Variants in GDF10 observed in about 807,000 individuals in gnomAD.
GDF10 encodes growth differentiation factor 10, also known as growth/differentiation factor 10.
GDF10 carries 23 observed loss-of-function variants against 32.1 expected under a neutral mutation model. That is an observed-to-expected ratio of 0.72 (90% confidence interval 0.52 to 1.02). The LOEUF is 1.02. Among genes scored for constraint, GDF10 ranks in the 50% least tolerant of loss-of-function variants. The probability of loss-of-function intolerance (pLI) is 0.00; values close to 1 mark genes in which losing one functional copy is unlikely to be tolerated. For synonymous variants in GDF10, 328 were observed against 303.1 expected (o/e 1.08, Z -0.85); for missense variants, 764 against 673.9 (o/e 1.13, Z -1.48).
intron 1 of GDF10, among the ~76,000 whole-genome samples, chr10:47,304,607 T>G (rs1018105327): frequency 6.6e-6 from 1 of 152,196 alleles, no homozygotes; most frequent in African/African-American, 2.4e-5. Flanking sequence ...TCTATCTATC[T>G]ATCTATGTCT....
intron 1 of GDF10, among the ~76,000 whole-genome samples, chr10:47,307,751 A>C (rs1241543335): frequency 6.6e-6 from 1 of 152,244 alleles, no homozygotes; most frequent in Non-Finnish European, 1.5e-5. Context: ...TTGAGACTTG[A>C]ACTGGATCAA....
chr10:47,310,616 C>A lies in GDF10; in HGVS notation c.1140C>A (p.Tyr380Ter), dbSNP rs1400096275. 1 of 1,613,902 alleles carries A rather than the reference C, an allele frequency of 6.2e-7. No individual in the cohort carries two copies. Among genetic ancestry groups the A allele is most frequent in the Non-Finnish European group, 8.5e-7 (1 of 1,179,904 alleles). ...AGCCGAGGGTGTGCTCCCGGAGGTA[C>A]CTGAAGGTGGACTTCGCAGACATCG... The part of the protein sequence containing the change: ...WDEPRVCSRR[Y>*]LKVDFADIGW... The change falls in exon 2 of 3, where the codon TAC becomes TAA. Residue 380 changes from tyrosine (Y) to a stop codon, truncating the protein, a stop_gained. Coordinates refer to ENST00000580279, the MANE Select transcript of GDF10 (RefSeq NM_004962.5). LOFTEE classifies it high-confidence loss of function.
intron 1 of GDF10, among the ~76,000 whole-genome samples, chr10:47,302,234 A>G (rs139100644): frequency 6.6e-6 from 1 of 152,226 alleles, no homozygotes; most frequent in East Asian, 1.9e-4. Context: ...ATTCATCGAT[A>G]AAATGGGCAA....
chr10:47,304,446 G>A (rs1221851813), intron 1 of GDF10, among the ~76,000 whole-genome samples: 2 of 132,190 alleles, frequency 1.5e-5, no homozygotes, highest in Non-Finnish European at 3.2e-5. Flanking sequence ...GGATAAAGGA[G>A]AGAGAGTGAT....
At chr10:47,306,234 T>G (rs1555207197) in intron 1 of GDF10, among the ~76,000 whole-genome samples, 1 of 152,160 alleles carries the variant, frequency 6.6e-6, no homozygotes, top group African/African-American at 2.4e-5. Context: ...AATAAACAAT[T>G]TTCTTCCAAT....
chr10:47,305,482 A>T (rs1039384392), intron 1 of GDF10, among the ~76,000 whole-genome samples: 2 of 152,214 alleles, frequency 1.3e-5, no homozygotes, highest in Non-Finnish European at 2.9e-5. Flanking sequence ...AATCTGTGTT[A>T]GTTCCCTGCT....
At chr10:47,305,618 T>C (rs1209502983) in intron 1 of GDF10, among the ~76,000 whole-genome samples, 1 of 152,110 alleles carries the variant, frequency 6.6e-6, no homozygotes, top group Non-Finnish European at 1.5e-5. Flanking sequence ...AAGGGACAGA[T>C]CTCCAAACCG....
Position 47,303,350 on chromosome 10 carries a change from C to CTTGTGG in GDF10, c.319+2380_319+2381insTTGTGG, listed in dbSNP as rs1588842315. Among the ~76,000 whole-genome samples the CTTGTGG allele has an allele frequency of 8.5e-5, 13 of 152,360 alleles. No homozygotes were observed. In the East Asian group the frequency reaches 2.5e-3, roughly 29 times the overall value. ...ATACGTAACTATACCTCCCCCGCCA[C>CTTGTGG]CGGGCAGTGCAGCTCAGCTGCCAAG... On this transcript the variant is annotated intron_variant, in intron 1 of 2. Coordinates refer to ENST00000580279, the MANE Select transcript of GDF10 (RefSeq NM_004962.5).
Position 47,313,113 on chromosome 10 carries a change from A to G in GDF10, c.*321A>G, listed in dbSNP as rs148903190. ...ATTGGCTTGATGTGATCATCATCTCATAACTGAGCAAGAAGACTATGCAAA... is the reference window on the plus strand; with the variant it reads ...ATTGGCTTGATGTGATCATCATCTCGTAACTGAGCAAGAAGACTATGCAAA... On this transcript the variant is annotated 3_prime_UTR_variant, in exon 3 of 3. Coordinates refer to ENST00000580279, the MANE Select transcript of GDF10 (RefSeq NM_004962.5). 56 of 206,132 alleles carry G rather than the reference A, an allele frequency of 2.7e-4. No homozygotes were observed. The highest frequency in any genetic ancestry group is 1.6e-3 in the Middle Eastern group (1 of 610). The allele number at this position is 206,132 out of a possible 1,614,324, so 12.8% of individuals were successfully genotyped here.
At position 47,309,941 on chromosome 10, in the gene GDF10, G is replaced by A. The variant is rs1555207430; in HGVS notation, c.465G>A (p.Lys155=). The A allele has an allele frequency of 1.2e-6, 2 of 1,612,884 alleles. No individual in the cohort carries two copies. Among genetic ancestry groups the A allele is most frequent in the South Asian group, 1.1e-5 (1 of 90,964 alleles). The part of the protein sequence containing the change: ...ALEVLCKPRA[K]NASGRPLPLG... ...AGGTGCTATGCAAGCCGCGGGCCAA[G>A]AACGCTTCAGGCCGCCCGCTGCCCC... The change falls in exon 2 of 3, where the codon AAG becomes AAA. Residue 155 remains lysine (K), a synonymous_variant. Transcript: ENST00000580279.
In GDF10 at chr10:47,300,434, C is replaced by T. The variant is rs1333653275; in HGVS notation, c.-218C>T. On this transcript the variant is annotated 5_prime_UTR_variant, in exon 1 of 3. Coordinates refer to ENST00000580279, the MANE Select transcript of GDF10 (RefSeq NM_004962.5). The stretch of plus-strand genomic sequence containing the variant: ...CTGCGCTGCTCCGGACGGCTGTGAC[C>T]GCTGGCCGGGGGCTCGGGCCGCCGG... 2.8e-5 allele frequency: 14 copies of T among 499,554 alleles called. No individual in the cohort carries two copies. The highest frequency in any genetic ancestry group is 4.2e-5 in the Non-Finnish European group (12 of 286,904). The allele number at this position is 499,554 out of a possible 1,614,324, so 30.9% of individuals were successfully genotyped here. A position where few individuals can be genotyped will look rare whatever the true frequency, so the allele number is the denominator to read the frequency against.
Position 47,300,462 on chromosome 10 carries a change from C to T in GDF10, c.-190C>T, listed in dbSNP as rs1406157499. 1.1e-5 allele frequency: 6 copies of T among 525,240 alleles called. No individual in the cohort carries two copies. Among genetic ancestry groups the T allele is most frequent in the African/African-American group, 6.1e-5 (3 of 48,990 alleles). 32.5% of individuals were successfully genotyped at this position (525,240 alleles called of 1,614,324 possible). A position where few individuals can be genotyped will look rare whatever the true frequency, so the allele number is the denominator to read the frequency against. ...TGGCCGGGGGCTCGGGCCGCCGGTA[C>T]CCACGGACCGCGCGCCCGGGTGCCT... On this transcript the variant is annotated 5_prime_UTR_variant, in exon 1 of 3. Transcript: ENST00000580279.
chr10:47,300,829 C>A lies in GDF10; in HGVS notation c.178C>A (p.Pro60Thr). The A allele has an allele frequency of 6.4e-7, 1 of 1,573,910 alleles. No individual in the cohort carries two copies. The highest frequency in any genetic ancestry group is 2.3e-5 in the East Asian group (1 of 43,132). The change falls in exon 1 of 3, where the codon CCT becomes ACT. Residue 60 changes from proline (P) to threonine (T), a missense_variant. By Grantham distance (38) the Pro-to-Thr change is conservative. Transcript: ENST00000580279. ...LQGDRDLQRH[P>T]GDAAATLGPS... is the part of the protein sequence containing the mutation. The stretch of plus-strand genomic sequence containing the variant: ...GGGGGACAGGGATCTCCAGCGGCAC[C>A]CTGGGGACGCGGCCGCCACGTTGGG...
chr10:47,313,016 G>C lies in GDF10; in HGVS notation c.*224G>C. On this transcript the variant is annotated 3_prime_UTR_variant, in exon 3 of 3. Coordinates refer to ENST00000580279, the MANE Select transcript of GDF10 (RefSeq NM_004962.5). The stretch of plus-strand genomic sequence containing the variant: ...AGTACCTGAAGGAATCTGGGAATTA[G>C]CCCTGGCCTGAAAGTGGCCCATCAT... The C allele has an allele frequency of 2.5e-6, 1 of 404,618 alleles. No homozygotes were observed. The highest frequency in any genetic ancestry group is 3.8e-5 in the East Asian group (1 of 26,062). The allele number at this position is 404,618 out of a possible 1,614,324, so 25.1% of individuals were successfully genotyped here. A position where few individuals can be genotyped will look rare whatever the true frequency, so the allele number is the denominator to read the frequency against.
At chr10:47,305,168 A>G (rs888090910) in intron 1 of GDF10, among the ~76,000 whole-genome samples, 2 of 152,188 alleles carry the variant, frequency 1.3e-5, no homozygotes, top group Admixed American at 6.5e-5. Flanking sequence ...AGGAGAAGTG[A>G]GGCCTCCCAC....
At chr10:47,305,573 G>T (rs1184572837) in intron 1 of GDF10, among the ~76,000 whole-genome samples, 1 of 152,206 alleles carries the variant, frequency 6.6e-6, no homozygotes, top group Non-Finnish European at 1.5e-5. Flanking sequence ...CGTTCTCACT[G>T]ATTGCCCTAG....
rs139712067 is a variant in GDF10, at chr10:47,309,906, C to A, written c.430C>A (p.Arg144=). The A allele has an allele frequency of 3.1e-6, 5 of 1,612,750 alleles. No individual in the cohort carries two copies. Among genetic ancestry groups the A allele is most frequent in the Non-Finnish European group, 4.2e-6 (5 of 1,179,888 alleles). The part of the protein sequence containing the change: ...HFYSEPPRWP[R]ALEVLCKPRA... ...CTACTCAGAGCCGCCTCGGTGGCCT[C>A]GAGCGCTCGAGGTGCTATGCAAGCC... The change falls in exon 2 of 3, where the codon CGA becomes AGA. Residue 144 remains arginine, a synonymous_variant. Transcript: ENST00000580279.
Position 47,310,026 on chromosome 10 carries a change from C to G in GDF10, c.550C>G (p.Gln184Glu). ...FRSLSQNTAT[Q>E]GLLRGAMALA... ...CAGCCTCTCGCAGAACACGGCCACACAGGGGCTACTCCGCGGGGCCATGGC... is the reference window on the plus strand; with the variant it reads ...CAGCCTCTCGCAGAACACGGCCACAGAGGGGCTACTCCGCGGGGCCATGGC... The change falls in exon 2 of 3, where the codon CAG becomes GAG. Residue 184 changes from glutamine to glutamate, a missense_variant. Transcript: ENST00000580279. The G allele has an allele frequency of 1.2e-6, 2 of 1,608,124 alleles. No individual in the cohort carries two copies. Among genetic ancestry groups the G allele is most frequent in the Non-Finnish European group, 1.7e-6 (2 of 1,177,442 alleles).
intron 1 of GDF10, among the ~76,000 whole-genome samples, chr10:47,304,555 G>A (rs1588842858): frequency 6.6e-6 from 1 of 152,044 alleles, no homozygotes; most frequent in Admixed American, 6.6e-5. Context: ...GATATAACCG[G>A]AATTGTTAGT....
Sources: allele counts gnomAD v4.1 joint callset (sites outside exome capture counted in the v4.1 genomes callset), GRCh38; gene constraint gnomAD v4.1.1; transcripts MANE v1.5; gene names NCBI Gene and HGNC (gene_info 2026-07-23, HGNC 2026-07-21).